BLNK: variants seen among roughly 807,000 people sequenced by gnomAD.
BLNK encodes B-cell linker protein.
A neutral mutation model predicts 73.5 loss-of-function variants in BLNK; 29 were observed. That is an observed-to-expected ratio of 0.39 (90% CI 0.29 to 0.54). BLNK has a LOEUF of 0.54. BLNK is among the 20% of genes least tolerant of loss of function. The pLI is 0.61. For missense variants in BLNK, 460 were observed against 562.8 expected, an observed-to-expected ratio of 0.82 and a Z score of 1.85; for synonymous variants, 176 against 200.8, an observed-to-expected ratio of 0.88 and a Z score of 1.04.
chr10:96,238,834 G>A (rs1277282278), intron 3 of BLNK: 3 of 287,858 alleles, frequency 1.0e-5, no homozygotes, highest in African/African-American at 2.2e-5. Flanking sequence ...GTCAGGGATT[G>A]AGGGAATAAA....
intron 1 of BLNK, among the ~76,000 whole-genome samples, chr10:96,256,980 C>T (rs1323518851): frequency 6.6e-6 from 1 of 151,736 alleles, no homozygotes; most frequent in African/African-American, 2.4e-5. Context: ...TGTTCTTTAA[C>T]CCTTTCTCTC....
chr10:96,268,881 G>A (rs1844137660), intron 1 of BLNK, among the ~76,000 whole-genome samples: 1 of 152,108 alleles, frequency 6.6e-6, no homozygotes. Context: ...AAGCCTAAGA[G>A]TATAAACATA....
intron 1 of BLNK, among the ~76,000 whole-genome samples, chr10:96,247,888 G>A (rs1275011079): frequency 6.6e-6 from 1 of 152,186 alleles, no homozygotes; most frequent in African/African-American, 2.4e-5. Flanking sequence ...CCCCTAGAAG[G>A]AAAATTCTGT....
intron 1 of BLNK, among the ~76,000 whole-genome samples, chr10:96,251,980 G>T (rs1181758371): frequency 6.6e-6 from 1 of 152,114 alleles, no homozygotes; most frequent in South Asian, 2.1e-4. Context: ...AACTGGCTGG[G>T]CCTCACCCCT....
chr10:96,248,751 A>G (rs1843156891), intron 1 of BLNK, among the ~76,000 whole-genome samples: 1 of 152,212 alleles, frequency 6.6e-6, no homozygotes. Context: ...AAAGGGAACT[A>G]GTTAAATAAA....
intron 12 of BLNK, 101 bp downstream of exon 12, chr10:96,204,431 A>T: frequency 7.7e-7 from 1 of 1,300,622 alleles, no homozygotes; most frequent in East Asian, 2.3e-5. Context: ...TTGGATTTTT[A>T]CCTAGCACTG....
At chr10:96,265,119 CTTATTTATTTAT>C (rs55872216) in intron 1 of BLNK, among the ~76,000 whole-genome samples, 43 of 137,034 alleles carry the variant, frequency 3.1e-4, no homozygotes, top group African/African-American at 4.1e-4. Context: ...CCACACCAGA[CTTATTTATTTAT>C]TTATTTATTT....
intron 6 of BLNK, among the ~76,000 whole-genome samples, chr10:96,221,095 C>T (rs1175910541): frequency 6.6e-6 from 1 of 152,188 alleles, no homozygotes; most frequent in African/African-American, 2.4e-5. Flanking sequence ...AATATATTCC[C>T]TCTGTGACCT....
At chr10:96,248,782 G>C (rs1843158325) in intron 1 of BLNK, among the ~76,000 whole-genome samples, 6 of 152,054 alleles carry the variant, frequency 3.9e-5, no homozygotes, top group Admixed American at 3.9e-4. Flanking sequence ...TCCATGCAAT[G>C]GAATGCCACA....
chr10:96,242,815 A>G (rs782136039), intron 2 of BLNK, 31 bp from the exon 3 acceptor site: 1 of 1,584,158 alleles, frequency 6.3e-7, no homozygotes, highest in Non-Finnish European at 8.7e-7. Context: ...ACAAAAGGTC[A>G]GTGAGCAGAA....
At chr10:96,254,816 A>G (rs1237469279) in intron 1 of BLNK, among the ~76,000 whole-genome samples, 6 of 152,072 alleles carry the variant, frequency 3.9e-5, no homozygotes, top group Non-Finnish European at 5.9e-5. Context: ...TGGCCCTTCA[A>G]TGAGTCTTTT....
chr10:96,267,177 C>T (rs1204857708), intron 1 of BLNK, among the ~76,000 whole-genome samples: 1 of 152,186 alleles, frequency 6.6e-6, no homozygotes, highest in African/African-American at 2.4e-5. Flanking sequence ...TAAAGGATCA[C>T]AGCATCAGAG....
At chr10:96,213,429 T>G (rs1350820202) in intron 8 of BLNK, among the ~76,000 whole-genome samples, 1 of 152,226 alleles carries the variant, frequency 6.6e-6, no homozygotes, top group Admixed American at 6.5e-5. Flanking sequence ...AGAGACTTCC[T>G]GCAAAGGAGA....
rs115883176 is a variant in BLNK, at chr10:96,230,549, T to C, written c.204+245A>G. 5.8e-3 allele frequency among the ~76,000 whole-genome samples: 879 copies of C among 152,276 alleles called. 12 individuals carry two copies. Among genetic ancestry groups the C allele is most frequent in the African/African-American group, 0.02 (836 of 41,558 alleles). On this transcript the variant is annotated intron_variant, in intron 4 of 16. Transcript: ENST00000224337. ...AGTACTCTGAACACCAGCACTGAAG[T>C]TGGGCATAAGAACACCTACCTCAAA...
At chr10:96,217,026 T>G (rs1365041780) in intron 6 of BLNK, among the ~76,000 whole-genome samples, 1 of 152,204 alleles carries the variant, frequency 6.6e-6, no homozygotes, top group East Asian at 1.9e-4. Context: ...TCTTTCTCTA[T>G]AGATTTTGCC....
At chr10:96,223,713 G>T in intron 6 of BLNK, 113 bp downstream of exon 6, 2 of 1,277,526 alleles carry the variant, frequency 1.6e-6, no homozygotes. Context: ...AGTTAGAGGG[G>T]GCAGTCAATA....
chr10:96,249,737 C>G (rs1319220275), intron 1 of BLNK, among the ~76,000 whole-genome samples: 3 of 152,188 alleles, frequency 2.0e-5, no homozygotes. Context: ...GAGGCTGGGT[C>G]TGGGCCTCTG....
At chr10:96,196,387 T>G (rs1554894679) in intron 16 of BLNK, among the ~76,000 whole-genome samples, 1 of 152,188 alleles carries the variant, frequency 6.6e-6, no homozygotes, top group African/African-American at 2.4e-5. Flanking sequence ...GCATTAAAGT[T>G]AATGTTTGAT....
In BLNK at chr10:96,189,569, T is replaced by C; in HGVS notation, c.*2404A>G. 1 of 676,168 alleles carries C rather than the reference T, an allele frequency of 1.5e-6. No individual in the cohort carries two copies. Among genetic ancestry groups the C allele is most frequent in the Non-Finnish European group, 2.7e-6 (1 of 364,016 alleles). 41.9% of individuals were successfully genotyped at this position (676,168 alleles called of 1,614,324 possible). A position where few individuals can be genotyped will look rare whatever the true frequency, so the allele number is the denominator to read the frequency against. On this transcript the variant is annotated 3_prime_UTR_variant, in exon 17 of 17. Coordinates refer to ENST00000224337, the MANE Select transcript of BLNK (RefSeq NM_013314.4). Reference sequence around the variant, plus strand: ...TTTTTTCCTGTTTTTTGAAGGATTCTTGTCCTTTTAATCTTGGTGTTGATG... The same window carrying C: ...TTTTTTCCTGTTTTTTGAAGGATTCCTGTCCTTTTAATCTTGGTGTTGATG...
Sources: gnomAD v4.1 joint callset for allele counts (sites outside exome capture counted in the v4.1 genomes callset) on GRCh38, gnomAD v4.1.1 for gene constraint, MANE v1.5 for transcripts, NCBI Gene and HGNC (gene_info 2026-07-23, HGNC 2026-07-21) for gene names.